The following BCAS4 variants were observed in gnomAD, a reference collection of about 807,000 sequenced individuals.
BCAS4 encodes breast carcinoma-amplified sequence 4.
Under a neutral mutation model 15.7 loss-of-function variants are expected in BCAS4, and 9 were observed. The ratio of observed to expected loss-of-function variants is 0.57; its 90% CI spans 0.34 to 1.00. BCAS4 has a LOEUF of 1.00. Ranked by LOEUF, BCAS4 falls within the 50% of genes least tolerant of loss-of-function variation. The probability of loss-of-function intolerance (pLI) is 0.02; values close to 1 mark genes in which losing one functional copy is unlikely to be tolerated. For missense variants in BCAS4, 225 were observed against 239.1 expected (o/e 0.94, Z 0.39); for synonymous variants, 101 against 99.5 (o/e 1.02, Z -0.09).
chr20:50,873,202 A>G (rs1301049414), intron 4 of BCAS4, among the ~76,000 whole-genome samples: 1 of 152,112 alleles, frequency 6.6e-6, no homozygotes, highest in African/African-American at 2.4e-5. Context: ...CTTCATAATG[A>G]TATTGATTTT....
intron 3 of BCAS4, chr20:50,840,992 G>GCTA (rs2088473543): frequency 2.3e-6 from 1 of 443,488 alleles, no homozygotes; most frequent in Non-Finnish European, 4.2e-6. Context: ...ACCATGTCCG[G>GCTA]CTACTTTTTG....
At position 50,838,519 on chromosome 20, in the gene BCAS4, G is replaced by A. The variant is rs138666613; in HGVS notation, c.265-3247G>A. ...GGGATCGGGAGTTCGAGGCCAGCCT[G>A]GCCAACATGGTGAAACACCGTCTTT... On this transcript the variant is annotated intron_variant, in intron 3 of 4. Coordinates refer to ENST00000371608, the MANE Select transcript of BCAS4 (RefSeq NM_198799.4). Among the ~76,000 whole-genome samples the A allele has an allele frequency of 3.5e-4, 53 of 152,254 alleles. No individual in the cohort carries two copies. The East Asian group carries it at 0.01, about 29-fold the overall frequency.
intron 1 of BCAS4, among the ~76,000 whole-genome samples, chr20:50,813,084 G>T (rs2088091642): frequency 6.6e-6 from 1 of 152,160 alleles, no homozygotes; most frequent in African/African-American, 2.4e-5. Flanking sequence ...CTCCCAAAGT[G>T]CTGGGACTAA....
chr20:50,852,091 G>A (rs574325622), intron 4 of BCAS4, among the ~76,000 whole-genome samples: 9 of 152,358 alleles, frequency 5.9e-5, no homozygotes, highest in South Asian at 2.1e-4. Flanking sequence ...CACCCGGTAC[G>A]GAGTAACTGT....
chr20:50,859,581 A>G (rs908517747), intron 4 of BCAS4, among the ~76,000 whole-genome samples: 8 of 135,406 alleles, frequency 5.9e-5, no homozygotes, highest in African/African-American at 2.6e-4. Context: ...GGCCAGTGGG[A>G]GGCTCAGCCT....
At chr20:50,795,250 C>G in intron 1 of BCAS4, 77 bp downstream of exon 1, 1 of 1,226,066 alleles carries the variant, frequency 8.2e-7, no homozygotes, top group Non-Finnish European at 1.0e-6. Flanking sequence ...TCGGCTTCCC[C>G]GGAGCATCCT....
rs1470753906 is a variant in BCAS4 at position 50,851,136 on chromosome 20, C to T, written c.399+9236C>T. The stretch of plus-strand genomic sequence containing the variant: ...CAGGAGGTGACTCGGGGAGGGAGCC[C>T]GACAGCTCAGCTTTATCTGGTGGTG... On this transcript the variant is annotated intron_variant, in intron 4 of 4. Coordinates refer to ENST00000371608, the MANE Select transcript of BCAS4 (RefSeq NM_198799.4). This position sits in a 1 kb window ranked among gnomAD's most constrained non-coding sequence, Gnocchi z 4.3. Among the ~76,000 whole-genome samples the T allele has an allele frequency of 1.3e-5, 2 of 148,496 alleles. No individual in the cohort carries two copies. Among genetic ancestry groups the T allele is most frequent in the Non-Finnish European group, 1.5e-5 (1 of 66,950 alleles).
intron 3 of BCAS4, among the ~76,000 whole-genome samples, chr20:50,833,565 G>T (rs1229719680): frequency 6.6e-6 from 1 of 152,160 alleles, no homozygotes; most frequent in Non-Finnish European, 1.5e-5. Flanking sequence ...GTCCCCTGGG[G>T]GGCAAGATTG....
intron 4 of BCAS4, among the ~76,000 whole-genome samples, chr20:50,861,293 G>A (rs894407195): frequency 2.0e-5 from 3 of 152,192 alleles, no homozygotes; most frequent in East Asian, 1.9e-4. Flanking sequence ...CTGCAGCATC[G>A]GTGTGGGCAT....
At chr20:50,846,518 T>C (rs1310751177) in intron 4 of BCAS4, 1 of 151,988 alleles carries the variant, frequency 6.6e-6, no homozygotes, top group East Asian at 1.9e-4. Context: ...TGTTCCGAGA[T>C]GGCTTCTCAG....
intron 2 of BCAS4, among the ~76,000 whole-genome samples, chr20:50,819,288 A>C (rs2088183597): frequency 6.6e-6 from 1 of 152,132 alleles, no homozygotes; most frequent in Admixed American, 6.5e-5. Flanking sequence ...ATTTTCTAGA[A>C]GCTCCCAAGC....
chr20:50,796,452 CAT>C (rs1245993218), intron 1 of BCAS4, among the ~76,000 whole-genome samples: 417 of 21,140 alleles, frequency 0.02, 15 homozygotes, highest in East Asian at 0.027. Flanking sequence ...TCTTTTTCTC[CAT>C]ATATATATAT....
intron 4 of BCAS4, among the ~76,000 whole-genome samples, chr20:50,854,011 C>T (rs867309878): frequency 7.2e-5 from 11 of 152,166 alleles, no homozygotes; most frequent in Admixed American, 2.0e-4. Context: ...AGTTAAGGAC[C>T]ACTGGCCCAG....
chr20:50,877,518 T>C (rs1980015735), downstream of BCAS4: 1 of 152,264 alleles, frequency 6.6e-6, no homozygotes, highest in South Asian at 2.1e-4. Flanking sequence ...ACACACATAA[T>C]TCCCCTATGC....
chr20:50,810,740 G>A (rs1283037194), intron 1 of BCAS4, among the ~76,000 whole-genome samples: 1 of 151,858 alleles, frequency 6.6e-6, no homozygotes, highest in Non-Finnish European at 1.5e-5. Context: ...ACAGCCGCCC[G>A]CAACAACGCC....
intron 1 of BCAS4, among the ~76,000 whole-genome samples, chr20:50,797,448 G>A (rs911056846): frequency 1.3e-5 from 2 of 152,018 alleles, no homozygotes; most frequent in Admixed American, 6.6e-5. Flanking sequence ...TAATTCCAGC[G>A]ACTTAGGAAG....
chr20:50,812,567 G>A (rs1279336361), intron 1 of BCAS4, among the ~76,000 whole-genome samples: 4 of 151,736 alleles, frequency 2.6e-5, no homozygotes, highest in African/African-American at 9.7e-5. Flanking sequence ...AGCCACCCAA[G>A]TAGCTGAGAC....
At chr20:50,862,469 C>T (rs1374293615) in intron 4 of BCAS4, among the ~76,000 whole-genome samples, 1 of 151,996 alleles carries the variant, frequency 6.6e-6, no homozygotes, top group Non-Finnish European at 1.5e-5. Context: ...CAGGCAAGGA[C>T]AGTGCAGGAG....
rs1308996152 is a variant in BCAS4, at chr20:50,822,587, C to CA, written c.162+4313dup. Among the ~76,000 whole-genome samples, 7 of 147,988 alleles carry CA rather than the reference C, an allele frequency of 4.7e-5. No homozygotes were observed. The East Asian group carries it at 1.2e-3, about 25-fold the overall frequency. On this transcript the variant is annotated intron_variant, in intron 2 of 4. Transcript: ENST00000371608. ...CTCTCATACATTGCTGGTAGAAATG[C>CA]AAAAAAAACTACAGCCACTTTGGAA...
Sources: allele counts gnomAD v4.1 joint callset (sites outside exome capture counted in the v4.1 genomes callset), GRCh38; gene constraint gnomAD v4.1.1; non-coding constraint Gnocchi (gnomAD v3.1); transcripts MANE v1.5; gene names NCBI Gene and HGNC (gene_info 2026-07-23, HGNC 2026-07-21).